PRDM6: variants seen among roughly 807,000 people sequenced by gnomAD.
PRDM6 encodes PR/SET domain 6.
PRDM6 carries 25 observed loss-of-function variants against 60.8 expected under a neutral mutation model. That is an observed-to-expected ratio of 0.41 (90% CI 0.30 to 0.57). The LOEUF (loss-of-function observed/expected upper bound fraction) is 0.57, where lower values mean the gene tolerates loss of function less well. Among genes scored for constraint, PRDM6 ranks in the 20% least tolerant of loss-of-function variants. PRDM6 has a pLI of 0.27. For missense variants in PRDM6, 839 were observed against 821.3 expected, an observed-to-expected ratio of 1.02 and a Z score of -0.26; for synonymous variants, 407 against 357.4, an observed-to-expected ratio of 1.14 and a Z score of -1.57.
intron 3 of PRDM6, among the ~76,000 whole-genome samples, chr5:123,114,650 G>A (rs1356089518): frequency 6.6e-6 from 1 of 152,150 alleles, no homozygotes; most frequent in African/African-American, 2.4e-5. Flanking sequence ...TGATCATTCA[G>A]GTTTAAGATT....
intron 7 of PRDM6, 133 bp from the exon 8 acceptor site, chr5:123,186,954 C>G: frequency 1.6e-6 from 1 of 638,686 alleles, no homozygotes; most frequent in South Asian, 1.9e-5. Context: ...AAGGAGCCAC[C>G]AATTAAACCT....
Position 123,187,124 on chromosome 5 carries a change from C to T in PRDM6, c.1711C>T (p.Gln571Ter). ...RCERSFTQAT[Q>*]LSRHQRMPNE... ...TGAGAGGAGCTTCACGCAGGCCACC[C>T]AGCTGAGCCGACACCAGCGGATGCC... is the stretch of plus-strand genomic sequence containing the variant. Residue 571 changes from glutamine to a stop codon, truncating the protein, a stop_gained, in exon 8 of 8, where the codon CAG becomes TAG. Transcript: ENST00000407847. LOFTEE classifies it high-confidence loss of function. The T allele has an allele frequency of 6.4e-7, 1 of 1,551,576 alleles. No individual in the cohort carries two copies. The highest frequency in any genetic ancestry group is 8.7e-7 in the Non-Finnish European group (1 of 1,146,920).
At chr5:123,103,875 T>C (rs1360336828) in intron 3 of PRDM6, among the ~76,000 whole-genome samples, 1 of 152,132 alleles carries the variant, frequency 6.6e-6, no homozygotes, top group Non-Finnish European at 1.5e-5. Context: ...AAATTGCACT[T>C]ATTTTCACCC....
chr5:123,171,972 A>G (rs1399189747), intron 6 of PRDM6, among the ~76,000 whole-genome samples: 3 of 152,242 alleles, frequency 2.0e-5, no homozygotes, highest in African/African-American at 4.8e-5. Flanking sequence ...AAACTTGATT[A>G]AAATCCAAGT....
Position 123,180,248 on chromosome 5 carries a change from A to G in PRDM6, c.1598A>G (p.Tyr533Cys), listed in dbSNP as rs770263782. 3 of 1,551,872 alleles carry G rather than the reference A, an allele frequency of 1.9e-6. No homozygotes were observed. In the African/African-American group the frequency reaches 4.1e-5, roughly 21 times the overall value. Reference sequence around the variant, plus strand: ...AGTGACCGGCCTTTCAAGTGCGGCTACTGTGGTCGTGCCTTTGCCGGGGCC... The same window carrying G: ...AGTGACCGGCCTTTCAAGTGCGGCTGCTGTGGTCGTGCCTTTGCCGGGGCC... ...HSSDRPFKCGYCGRAFAGATT... is the reference protein window; with the variant it reads ...HSSDRPFKCGCCGRAFAGATT... Residue 533 changes from tyrosine (Y) to cysteine (C), a missense_variant, in exon 7 of 8, where the codon TAC becomes TGC. Transcript: ENST00000407847.
At chr5:123,168,174 T>G (rs1047059820) in intron 5 of PRDM6, among the ~76,000 whole-genome samples, 2 of 152,208 alleles carry the variant, frequency 1.3e-5, no homozygotes, top group Non-Finnish European at 2.9e-5. Flanking sequence ...TATATTCTTT[T>G]GCCCCAGAAT....
intron 3 of PRDM6, among the ~76,000 whole-genome samples, chr5:123,148,078 C>T (rs1765287546): frequency 6.6e-6 from 1 of 152,206 alleles, no homozygotes; most frequent in Admixed American, 6.5e-5. Flanking sequence ...AACAACACCA[C>T]AGGTGTTTTA....
At chr5:123,165,154 G>T (rs1019172310) in intron 5 of PRDM6, among the ~76,000 whole-genome samples, 1 of 152,104 alleles carries the variant, frequency 6.6e-6, no homozygotes, top group Admixed American at 6.5e-5. Context: ...TTTCAATCCA[G>T]ACCTCCTTAC....
intron 5 of PRDM6, among the ~76,000 whole-genome samples, chr5:123,163,437 C>T (rs1561868446): frequency 6.6e-6 from 1 of 152,182 alleles, no homozygotes; most frequent in Non-Finnish European, 1.5e-5. Flanking sequence ...CAAAGCAGGG[C>T]GGCCGTGGGT....
At chr5:123,177,569 T>A (rs925038019) in intron 6 of PRDM6, among the ~76,000 whole-genome samples, 1 of 152,192 alleles carries the variant, frequency 6.6e-6, no homozygotes, top group Non-Finnish European at 1.5e-5. Flanking sequence ...ATTCTCAACT[T>A]TTTACCAATG....
intron 3 of PRDM6, among the ~76,000 whole-genome samples, chr5:123,146,785 G>C (rs1304153308): frequency 6.6e-6 from 1 of 152,190 alleles, no homozygotes; most frequent in Non-Finnish European, 1.5e-5. Flanking sequence ...AGAGAGAAGA[G>C]AGAGAAAAGC....
chr5:123,134,963 C>A lies in PRDM6; in HGVS notation c.901-20921C>A, dbSNP rs533528938. ...GGCAATAAGGACAACCAGATCTTAT[C>A]AAAACAATGCATTAAAAAGAGCAAA... is the stretch of plus-strand genomic sequence containing the variant. On this transcript the variant is annotated intron_variant, in intron 3 of 7. Coordinates refer to ENST00000407847, the MANE Select transcript of PRDM6 (RefSeq NM_001136239.4). 4.1e-5 allele frequency among the ~76,000 whole-genome samples: 6 copies of A among 147,888 alleles called. No individual in the cohort carries two copies. The East Asian group carries it at 9.9e-4, about 24-fold the overall frequency.
At chr5:123,164,423 GGTGAAA>G (rs1765708981) in intron 5 of PRDM6, among the ~76,000 whole-genome samples, 1 of 152,162 alleles carries the variant, frequency 6.6e-6, no homozygotes, top group Admixed American at 6.5e-5. Flanking sequence ...TTGGGGCACT[GGTGAAA>G]ACAAAGTCAC....
rs1226779606 is a variant in PRDM6, at chr5:123,090,195, C to G, written c.181C>G (p.Arg61Gly). 2 of 1,480,894 alleles carry G rather than the reference C, an allele frequency of 1.4e-6. No homozygotes were observed. The highest frequency in any genetic ancestry group is 1.8e-6 in the Non-Finnish European group (2 of 1,119,372). The allele number at this position is 1,480,894 out of a possible 1,614,324, so 91.7% of individuals were successfully genotyped here. The change falls in exon 2 of 8, where the codon CGC becomes GGC. Residue 61 changes from arginine (R) to glycine (G), a missense_variant. Around this residue, in one of 2 missense-constraint regions of PRDM6, gnomAD observed 730 missense variants for 648.8 expected, o/e 1.13. Coordinates refer to ENST00000407847, the MANE Select transcript of PRDM6 (RefSeq NM_001136239.4). ...QPPPPPPPPE[R>G]AEPPPDSLRP... ...GCCGCCGCCGCCCCCGCCCCCGGAG[C>G]GCGCTGAGCCTCCGCCGGACAGCCT...
chr5:123,104,450 G>A (rs920566148), intron 3 of PRDM6, among the ~76,000 whole-genome samples: 5 of 151,912 alleles, frequency 3.3e-5, no homozygotes, highest in Admixed American at 1.3e-4. Context: ...TGATAGTACT[G>A]TAATTATATA....
intron 5 of PRDM6, among the ~76,000 whole-genome samples, chr5:123,168,988 A>C (rs335205): frequency 0.52 from 79,152 of 152,106 alleles, 20,880 homozygotes; most frequent in African/African-American, 0.62. Context: ...GCATTCTCAG[A>C]GATGATCTGT....
intron 3 of PRDM6, among the ~76,000 whole-genome samples, chr5:123,103,244 T>C (rs1160158721): frequency 6.6e-6 from 1 of 152,014 alleles, no homozygotes; most frequent in African/African-American, 2.4e-5. Flanking sequence ...TTATTTTTTA[T>C]AGTTTAAGAA....
At chr5:123,146,669 C>A (rs149153906) in intron 3 of PRDM6, among the ~76,000 whole-genome samples, 5 of 152,278 alleles carry the variant, frequency 3.3e-5, no homozygotes, top group African/African-American at 1.2e-4. Context: ...TAGCTCTTCA[C>A]ATTTGCTAGC....
intron 2 of PRDM6, among the ~76,000 whole-genome samples, chr5:123,096,485 A>C (rs1400682672): frequency 6.6e-6 from 1 of 152,166 alleles, no homozygotes; most frequent in Non-Finnish European, 1.5e-5. Context: ...TTAGAACCCA[A>C]ATGTTTCAGC....
Sources: allele counts gnomAD v4.1 joint callset (sites outside exome capture counted in the v4.1 genomes callset), GRCh38; gene constraint gnomAD v4.1.1; regional missense constraint gnomAD v4.1.1; transcripts MANE v1.5; gene names NCBI Gene and HGNC (gene_info 2026-07-23, HGNC 2026-07-21).